ALKBH8: variants seen among roughly 807,000 people sequenced by gnomAD.
The protein encoded by ALKBH8 is tRNA (carboxymethyluridine(34)-5-O)-methyltransferase ALKBH8.
ALKBH8 carries 36 observed loss-of-function variants against 59.8 expected under a neutral mutation model. The ratio of observed to expected loss-of-function variants is 0.60; its 90% CI spans 0.46 to 0.79. The LOEUF (loss-of-function observed/expected upper bound fraction) is 0.79, where lower values mean the gene tolerates loss of function less well. Ranked by LOEUF, ALKBH8 falls within the 30% of genes least tolerant of loss-of-function variation. The pLI is 0.00. For synonymous variants in ALKBH8, 276 were observed against 273.6 expected, an observed-to-expected ratio of 1.01 and a Z score of -0.09; for missense variants, 768 against 801.0, an observed-to-expected ratio of 0.96 and a Z score of 0.50.
intron 2 of ALKBH8, among the ~76,000 whole-genome samples, chr11:107,558,675 T>C (rs1864810410): frequency 6.6e-6 from 1 of 152,204 alleles, no homozygotes. Context: ...TTATTTTCCA[T>C]TAAATGTGAG....
chr11:107,532,440 C>G, intron 7 of ALKBH8, 34 bp from the exon 8 acceptor site: 1 of 1,534,696 alleles, frequency 6.5e-7, no homozygotes. Context: ...AAGATCAATC[C>G]AAAATTTCAT....
At chr11:107,521,574 A>G (rs970309030) in intron 10 of ALKBH8, among the ~76,000 whole-genome samples, 1 of 152,144 alleles carries the variant, frequency 6.6e-6, no homozygotes, top group African/African-American at 2.4e-5. Flanking sequence ...CGGAAGCTCC[A>G]GTCCTCACAG....
chr11:107,532,114 T>A (rs948239737), intron 8 of ALKBH8, among the ~76,000 whole-genome samples, 186 bp downstream of exon 8: 13 of 152,198 alleles, frequency 8.5e-5, no homozygotes, highest in Non-Finnish European at 1.9e-4. Flanking sequence ...AAGTTTGCTA[T>A]AAATTAAGAA....
chr11:107,526,522 T>C (rs1281509430), intron 8 of ALKBH8, among the ~76,000 whole-genome samples: 1 of 151,950 alleles, frequency 6.6e-6, no homozygotes, highest in Non-Finnish European at 1.5e-5. Context: ...TTTCTCTCCA[T>C]GTGTGGCTGC....
chr11:107,518,171 C>T (rs556067106), intron 10 of ALKBH8, among the ~76,000 whole-genome samples: 31 of 152,028 alleles, frequency 2.0e-4, no homozygotes, highest in African/African-American at 7.2e-4. Context: ...CAAATTATTG[C>T]ACATTCATTA....
chr11:107,511,088 T>G, intron 10 of ALKBH8, 52 bp from the exon 11 acceptor site: 1 of 1,531,956 alleles, frequency 6.5e-7, no homozygotes, highest in East Asian at 2.4e-5. Context: ...CACATGAAAT[T>G]AAGAACTATG....
At chr11:107,539,791 T>TA (rs147642509) in intron 7 of ALKBH8, among the ~76,000 whole-genome samples, 3,444 of 152,286 alleles carry the variant, frequency 0.023, 145 homozygotes, top group African/African-American at 0.079. Flanking sequence ...TACAAAGTCT[T>TA]ATGAAGCTCG....
Position 107,560,888 on chromosome 11 carries a change from G to A in ALKBH8, c.6C>T (p.Asp2=), listed in dbSNP as rs200532543. The A allele has an allele frequency of 6.0e-5, 97 of 1,609,182 alleles. No homozygotes were observed. The highest frequency in any genetic ancestry group is 7.6e-5 in the Non-Finnish European group (89 of 1,178,244). Residue 2 remains aspartate, a synonymous_variant, in exon 2 of 12, where the codon GAC becomes GAT. Coordinates refer to ENST00000428149, the MANE Select transcript of ALKBH8 (RefSeq NM_138775.3). ...GTTTGTAATTACTTTGATGGTTGCT[G>A]TCCATAGCAAACTGTAAAAAAACAA... M[D]SNHQSNYKLS...
At position 107,511,888 on chromosome 11, in the gene ALKBH8, A is replaced by AT. The variant is rs754843020; in HGVS notation, c.1288-853dup. On this transcript the variant is annotated intron_variant, in intron 10 of 11. Coordinates refer to ENST00000428149, the MANE Select transcript of ALKBH8 (RefSeq NM_138775.3). ...AACACGCCCAGACAATTTTTTTTTT[A>AT]TTTTTTAAAGCTACTCTTTTTCTGC... 1.6e-3 allele frequency among the ~76,000 whole-genome samples: 250 copies of AT among 151,664 alleles called. 1 individual carries two copies. Among genetic ancestry groups the AT allele is most frequent in the Non-Finnish European group, 3.1e-3 (212 of 67,850 alleles).
In ALKBH8 at chr11:107,551,706, AATAAT is replaced by A. The variant is rs1260423518; in HGVS notation, c.700+97_700+101del. Reference sequence around the variant, plus strand: ...CGAAACTCCATCTCAAAAAAAAAAAAATAATAATAATAATAATAATAATATATCTG... The same window carrying A: ...CGAAACTCCATCTCAAAAAAAAAAAAAATAATAATAATAATAATATATCTG... On this transcript the variant is annotated intron_variant, in intron 6 of 11. Coordinates refer to ENST00000428149, the MANE Select transcript of ALKBH8 (RefSeq NM_138775.3). The A allele has an allele frequency of 9.4e-3, 3,109 of 332,010 alleles. 125 individuals carry two copies. The highest frequency in any genetic ancestry group is 0.072 in the African/African-American group (2,870 of 40,040). 20.6% of individuals were successfully genotyped at this position (332,010 alleles called of 1,614,324 possible). A position where few individuals can be genotyped will look rare whatever the true frequency, so the allele number is the denominator to read the frequency against.
intron 3 of ALKBH8, 103 bp from the exon 4 acceptor site, chr11:107,554,081 C>A: frequency 7.0e-7 from 1 of 1,420,248 alleles, no homozygotes; most frequent in Non-Finnish European, 9.5e-7. Flanking sequence ...ACTTCAAATC[C>A]TCATTTTCGG....
chr11:107,516,138 T>C (rs1448917814), intron 10 of ALKBH8, among the ~76,000 whole-genome samples: 2 of 152,178 alleles, frequency 1.3e-5, no homozygotes, highest in Non-Finnish European at 2.9e-5. Context: ...ATGAGAAAAC[T>C]TCCTTTCAAA....
At position 107,553,840 on chromosome 11, in the gene ALKBH8, T is replaced by G. The variant is rs760096404; in HGVS notation, c.499+7A>C. On this transcript the variant is annotated splice_region_variant and intron_variant, in intron 4 of 11. Coordinates refer to ENST00000428149, the MANE Select transcript of ALKBH8 (RefSeq NM_138775.3). ...TTCAAATATCAGATTTTGAAAGTTT[T>G]ACTTACAGTTTTGATTGTCTGTATC... 6.2e-7 allele frequency: 1 copy of G among 1,605,604 alleles called. No individual in the cohort carries two copies. The highest frequency in any genetic ancestry group is 2.2e-5 in the East Asian group (1 of 44,804).
At chr11:107,525,661 G>C (rs572256032) in intron 8 of ALKBH8, 69 bp from the exon 9 acceptor site, 1 of 1,096,432 alleles carries the variant, frequency 9.1e-7, no homozygotes, top group South Asian at 2.6e-5. Context: ...CTTTAAAAAT[G>C]TTAAGTGAAT....
intron 10 of ALKBH8, among the ~76,000 whole-genome samples, chr11:107,515,588 C>G (rs954358582): frequency 2.0e-5 from 3 of 152,154 alleles, no homozygotes; most frequent in African/African-American, 7.2e-5. Flanking sequence ...AACTCTTGGT[C>G]TCAGGCAGTC....
At chr11:107,545,120 T>A (rs1342678209) in intron 7 of ALKBH8, among the ~76,000 whole-genome samples, 2 of 152,174 alleles carry the variant, frequency 1.3e-5, no homozygotes, top group Non-Finnish European at 2.9e-5. Flanking sequence ...CTTCTGAGGC[T>A]GTAAACATTG....
chr11:107,508,573 T>G (rs960367001), intron 11 of ALKBH8, among the ~76,000 whole-genome samples: 1 of 152,204 alleles, frequency 6.6e-6, no homozygotes, highest in African/African-American at 2.4e-5. Flanking sequence ...CATTCATACT[T>G]AATGGTTGTG....
At chr11:107,522,165 A>G (rs1262656397) in intron 10 of ALKBH8, 134 bp downstream of exon 10, 1 of 1,115,292 alleles carries the variant, frequency 9.0e-7, no homozygotes. Context: ...AATAAAAAAA[A>G]TCATTAATTT....
chr11:107,520,083 T>C (rs936370628), intron 10 of ALKBH8, among the ~76,000 whole-genome samples: 1 of 152,204 alleles, frequency 6.6e-6, no homozygotes, highest in Admixed American at 6.5e-5. Context: ...CCCACCCATT[T>C]TGAGGTTGTC....
Sources: gnomAD v4.1 joint callset for allele counts (sites outside exome capture counted in the v4.1 genomes callset) on GRCh38, gnomAD v4.1.1 for gene constraint, MANE v1.5 for transcripts, NCBI Gene and HGNC (gene_info 2026-07-23, HGNC 2026-07-21) for gene names.